MMP20: variants seen among roughly 807,000 people sequenced by gnomAD.
The protein encoded by MMP20 is matrix metallopeptidase 20.
In MMP20, 50 loss-of-function variants were observed where a neutral mutation model predicts 51.8. That is an observed-to-expected ratio of 0.97 (90% CI 0.77 to 1.22). The LOEUF (loss-of-function observed/expected upper bound fraction) is 1.22, where lower values mean the gene tolerates loss of function less well. Among genes scored for constraint, MMP20 ranks in the 50% most tolerant of loss-of-function variants. MMP20 has a pLI of 0.00. For missense variants in MMP20, 663 were observed against 601.4 expected (o/e 1.10, Z -1.07); for synonymous variants, 244 against 216.2 (o/e 1.13, Z -1.13).
chr11:102,606,617 A>G lies in MMP20; in HGVS notation c.871T>C (p.Ser291Pro), dbSNP rs747065790. The G allele has an allele frequency of 1.1e-5, 18 of 1,613,946 alleles. No individual in the cohort carries two copies. Among genetic ancestry groups the G allele is most frequent in the Non-Finnish European group, 1.4e-5 (16 of 1,179,866 alleles). The change falls in exon 6 of 10, where the codon TCC becomes CCC. Residue 291 changes from serine to proline, a missense_variant. Physicochemically the swap from Ser to Pro is moderately conservative, Grantham distance 74. Coordinates refer to ENST00000260228, the MANE Select transcript of MMP20 (RefSeq NM_004771.4). Reference protein sequence around the residue: ...TLPHAPHHKPSIPDLCDSSSS... With the variant: ...TLPHAPHHKPPIPDLCDSSSS... ...CTGGAGTCACAGAGGTCAGGGATGG[A>G]TGGCTTGTGATGGGGGGCATGGGGC...
intron 6 of MMP20, among the ~76,000 whole-genome samples, chr11:102,595,652 G>C (rs1411256221): frequency 6.6e-6 from 1 of 152,184 alleles, no homozygotes; most frequent in Non-Finnish European, 1.5e-5. Context: ...ACATCTTTGA[G>C]TCTGATGGCT....
chr11:102,616,978 T>C lies in MMP20; in HGVS notation c.208A>G (p.Arg70Gly). 2 of 1,614,220 alleles carry C rather than the reference T, an allele frequency of 1.2e-6. No individual in the cohort carries two copies. The highest frequency in any genetic ancestry group is 1.7e-6 in the Non-Finnish European group (2 of 1,180,040). Residue 70 changes from arginine (R) to glycine (G), a missense_variant, in exon 2 of 10, where the codon AGG becomes GGG. Transcript: ENST00000260228. Reference protein sequence around the residue: ...MVARGSNSMIRKIKELQAFFG... With the variant: ...MVARGSNSMIGKIKELQAFFG... ...AACGCTTGTAGCTCCTTAATCTTCC[T>C]TATCATGGAATTGCTTCCTCTTGCA...
At chr11:102,624,600 A>G (rs1278551901) in intron 1 of MMP20, among the ~76,000 whole-genome samples, 1 of 152,192 alleles carries the variant, frequency 6.6e-6, no homozygotes, top group African/African-American at 2.4e-5. Flanking sequence ...TACTTACTAC[A>G]TAAACTTTGT....
intron 6 of MMP20, among the ~76,000 whole-genome samples, chr11:102,595,097 C>G (rs1187927662): frequency 1.3e-5 from 2 of 151,820 alleles, no homozygotes; most frequent in East Asian, 1.9e-4. Context: ...AATTTTTGTA[C>G]TTTTAGTAGA....
At chr11:102,590,015 G>A (rs1859299754) in intron 8 of MMP20, among the ~76,000 whole-genome samples, 3 of 152,124 alleles carry the variant, frequency 2.0e-5, no homozygotes. Flanking sequence ...TCAGGGTAGA[G>A]GGGCAATATG....
intron 6 of MMP20, among the ~76,000 whole-genome samples, chr11:102,600,058 A>C (rs1384289452): frequency 6.6e-6 from 1 of 152,156 alleles, no homozygotes; most frequent in Non-Finnish European, 1.5e-5. Context: ...ATGTTACTTC[A>C]CCTCTGCTTC....
At chr11:102,594,528 G>A in intron 7 of MMP20, 93 bp downstream of exon 7, 1 of 1,529,496 alleles carries the variant, frequency 6.5e-7, no homozygotes, top group East Asian at 2.3e-5. Context: ...TGTGCTCCAT[G>A]ATGACTGGAA....
At chr11:102,596,392 C>T (rs1476838594) in intron 6 of MMP20, among the ~76,000 whole-genome samples, 1 of 152,188 alleles carries the variant, frequency 6.6e-6, no homozygotes, top group African/African-American at 2.4e-5. Flanking sequence ...CCTCTCCAAG[C>T]CTCAGTTTAA....
intron 1 of MMP20, among the ~76,000 whole-genome samples, chr11:102,617,965 C>T (rs1053762065): frequency 6.6e-6 from 1 of 152,132 alleles, no homozygotes; most frequent in African/African-American, 2.4e-5. Flanking sequence ...GTCCCAGGAC[C>T]TCTCTCAGAT....
intron 6 of MMP20, among the ~76,000 whole-genome samples, chr11:102,596,001 A>G (rs2135934963): frequency 6.6e-6 from 1 of 152,354 alleles, no homozygotes; most frequent in South Asian, 2.1e-4. Flanking sequence ...TTAATCTAAC[A>G]AATATTTATG....
chr11:102,623,480 T>A (rs915471069), intron 1 of MMP20, among the ~76,000 whole-genome samples: 3 of 152,168 alleles, frequency 2.0e-5, no homozygotes, highest in East Asian at 1.9e-4. Context: ...TGCCTGATGA[T>A]CTGAGGTGGA....
At chr11:102,577,650 G>A (rs776413910) in intron 9 of MMP20, among the ~76,000 whole-genome samples, 2 of 152,170 alleles carry the variant, frequency 1.3e-5, no homozygotes, top group Non-Finnish European at 2.9e-5. Flanking sequence ...AGGCCTTCTT[G>A]TTGGGGTCAT....
Position 102,609,995 on chromosome 11 carries a change from C to T in MMP20, c.559G>A (p.Gly187Arg), listed in dbSNP as rs770584576. ...GDSYPFDGPR[G>R]TLAHAFAPGE... The stretch of plus-strand genomic sequence containing the variant: ...GGAGCAAATGCATGGGCTAGAGTCC[C>T]CCGAGGCCCATCGAATGGATAGGAA... Residue 187 changes from glycine to arginine, a missense_variant, in exon 4 of 10, where the codon GGG (glycine) becomes AGG (arginine). Coordinates refer to ENST00000260228, the MANE Select transcript of MMP20 (RefSeq NM_004771.4). 4.3e-6 allele frequency: 7 copies of T among 1,614,116 alleles called. No individual in the cohort carries two copies. The highest frequency in any genetic ancestry group is 5.9e-6 in the Non-Finnish European group (7 of 1,180,028).
Position 102,585,143 on chromosome 11 carries a change from A to G in MMP20, c.1248-6001T>C, listed in dbSNP as rs533404869. Among the ~76,000 whole-genome samples the G allele has an allele frequency of 3.3e-5, 5 of 152,282 alleles. No individual in the cohort carries two copies. The South Asian group carries it at 1.0e-3, about 32-fold the overall frequency. On this transcript the variant is annotated intron_variant, in intron 8 of 9. Transcript: ENST00000260228. ...TCAAGAAAAACTTGTCAATTTCTAC[A>G]AAGAAACCAGTGGTATTCTGAAAGA...
In MMP20 at chr11:102,606,808, G is replaced by C. The variant is rs1859524193; in HGVS notation, c.812-132C>G. ...ATCATGATCATGGCTGTTGAGGGCAGGTATGGGTTTGAGTCCCGGCTCTCC... is the reference window on the plus strand; with the variant it reads ...ATCATGATCATGGCTGTTGAGGGCACGTATGGGTTTGAGTCCCGGCTCTCC... On this transcript the variant is annotated intron_variant, in intron 5 of 9. Coordinates refer to ENST00000260228, the MANE Select transcript of MMP20 (RefSeq NM_004771.4). 3 of 1,116,186 alleles carry C rather than the reference G, an allele frequency of 2.7e-6. No homozygotes were observed. The Admixed American group carries it at 5.5e-5, about 20-fold the overall frequency. The allele number at this position is 1,116,186 out of a possible 1,614,324, so 69.1% of individuals were successfully genotyped here. A position where few individuals can be genotyped will look rare whatever the true frequency, so the allele number is the denominator to read the frequency against.
intron 1 of MMP20, among the ~76,000 whole-genome samples, chr11:102,620,177 T>C (rs1174761412): frequency 1.3e-5 from 2 of 152,218 alleles, no homozygotes; most frequent in African/African-American, 4.8e-5. Context: ...AGTTCTAGGC[T>C]CAGAGTAGAT....
intron 8 of MMP20, among the ~76,000 whole-genome samples, chr11:102,581,867 G>T (rs1255738615): frequency 6.6e-6 from 1 of 152,058 alleles, no homozygotes; most frequent in African/African-American, 2.4e-5. Context: ...TCAATATTAA[G>T]GAAATAAATA....
chr11:102,606,711 G>A (rs375255666), intron 5 of MMP20, 35 bp from the exon 6 acceptor site: 34 of 1,612,966 alleles, frequency 2.1e-5, no homozygotes, highest in African/African-American at 5.3e-5. Flanking sequence ...AAATGGTAAC[G>A]GGAATTTGGA....
At chr11:102,604,390 T>TA (rs1262333065) in intron 6 of MMP20, among the ~76,000 whole-genome samples, 3 of 152,186 alleles carry the variant, frequency 2.0e-5, no homozygotes, top group African/African-American at 4.8e-5. Context: ...GTCTTAAAAA[T>TA]AAAAAATCAT....
Sources: gnomAD v4.1 joint callset for allele counts (sites outside exome capture counted in the v4.1 genomes callset) on GRCh38, gnomAD v4.1.1 for gene constraint, MANE v1.5 for transcripts, NCBI Gene and HGNC (gene_info 2026-07-23, HGNC 2026-07-21) for gene names.